SOX6: variants seen among roughly 807,000 people sequenced by gnomAD.
The protein encoded by SOX6 is SRY-box transcription factor 6, also known as transcription factor SOX-6.
In SOX6, 11 loss-of-function variants were observed where a neutral mutation model predicts 97.8. The observed-to-expected ratio is 0.11, with a 90% CI of 0.07 to 0.19. The LOEUF (loss-of-function observed/expected upper bound fraction) is 0.19, where lower values mean the gene tolerates loss of function less well. Ranked by LOEUF, SOX6 falls within the 10% of genes least tolerant of loss-of-function variation. The probability of loss-of-function intolerance (pLI) is 1.00; values close to 1 mark genes in which losing one functional copy is unlikely to be tolerated. For synonymous variants in SOX6, 360 were observed against 371.4 expected (o/e 0.97, Z 0.35); for missense variants, 810 against 1,039.5 (o/e 0.78, Z 3.04).
intron 1 of SOX6, among the ~76,000 whole-genome samples, chr11:16,421,701 T>A (rs1859025165): frequency 6.6e-6 from 1 of 152,228 alleles, no homozygotes; most frequent in African/African-American, 2.4e-5. Flanking sequence ...CTGTTCTTGT[T>A]CTTTTCAGAG....
At chr11:16,399,975 ATTC>A (rs1858503766) in intron 1 of SOX6, among the ~76,000 whole-genome samples, 1 of 151,436 alleles carries the variant, frequency 6.6e-6, no homozygotes. Flanking sequence ...AGAAAAAAGG[ATTC>A]TTAACTTAAA....
At chr11:16,499,171 A>G (rs1590224398) in intron 4 of SOX6, among the ~76,000 whole-genome samples, 1 of 152,314 alleles carries the variant, frequency 6.6e-6, no homozygotes, top group South Asian at 2.1e-4. Flanking sequence ...AAACCACTCA[A>G]CCACATGGAA....
intron 4 of SOX6, among the ~76,000 whole-genome samples, chr11:16,230,524 C>G (rs1852816040): frequency 6.6e-6 from 1 of 151,436 alleles, no homozygotes. Context: ...ATATTAAATA[C>G]TAAGAAAACA....
At chr11:16,364,752 G>A (rs1857306867) in intron 1 of SOX6, among the ~76,000 whole-genome samples, 1 of 152,096 alleles carries the variant, frequency 6.6e-6, no homozygotes, top group Non-Finnish European at 1.5e-5. Context: ...TCAGAGGCCA[G>A]GAAGCTATCT....
In SOX6 at chr11:16,055,990, C is replaced by T. The variant is rs913830204; in HGVS notation, c.1102-89G>A. 5 of 1,391,548 alleles carry T rather than the reference C, an allele frequency of 3.6e-6. No homozygotes were observed. In the African/African-American group the frequency reaches 5.7e-5, roughly 16 times the overall value. 86.2% of individuals were successfully genotyped at this position (1,391,548 alleles called of 1,614,324 possible). ...AAAAACTTACCATATTGTTAGATTT[C>T]TCAGACAGCCTTGTAATTTCTTTTT... On this transcript the variant is annotated intron_variant, in intron 9 of 15. Transcript: ENST00000683767.
intron 6 of SOX6, among the ~76,000 whole-genome samples, chr11:16,162,774 C>T (rs1446274802): frequency 2.6e-5 from 4 of 152,138 alleles, no homozygotes; most frequent in African/African-American, 4.8e-5. Flanking sequence ...AGATGATAGT[C>T]CATCTTTAAC....
intron 4 of SOX6, among the ~76,000 whole-genome samples, chr11:16,222,626 G>A (rs1344783874): frequency 1.3e-5 from 2 of 151,926 alleles, no homozygotes; most frequent in Non-Finnish European, 2.9e-5. Context: ...AGCTTTGTGG[G>A]GTCCTCAATA....
chr11:16,304,432 A>C (rs1855359521), intron 3 of SOX6, among the ~76,000 whole-genome samples: 1 of 152,100 alleles, frequency 6.6e-6, no homozygotes, highest in Non-Finnish European at 1.5e-5. Flanking sequence ...CCACTATGGG[A>C]GAATGCAGCA....
intron 6 of SOX6, among the ~76,000 whole-genome samples, chr11:16,113,185 G>A (rs1849270275): frequency 6.6e-6 from 1 of 152,076 alleles, no homozygotes; most frequent in Admixed American, 6.6e-5. Context: ...GGTCTAAGAG[G>A]TTTCGTTTAC....
chr11:16,104,384 C>T (rs973085420), intron 7 of SOX6, among the ~76,000 whole-genome samples: 1 of 152,026 alleles, frequency 6.6e-6, no homozygotes, highest in African/African-American at 2.4e-5. Flanking sequence ...TAAGATCACA[C>T]ATACTTAGAC....
At chr11:16,116,943 TC>T (rs1481911463) in intron 6 of SOX6, among the ~76,000 whole-genome samples, 1 of 152,046 alleles carries the variant, frequency 6.6e-6, no homozygotes, top group African/African-American at 2.4e-5. Context: ...CCTGAAACCA[TC>T]CCCCCTCCCC....
At chr11:16,230,376 A>G (rs116012900) in intron 4 of SOX6, among the ~76,000 whole-genome samples, 1 of 151,938 alleles carries the variant, frequency 6.6e-6, no homozygotes, top group African/African-American at 2.4e-5. Context: ...AAGAGAAAAC[A>G]TATCTATTGA....
intron 4 of SOX6, among the ~76,000 whole-genome samples, chr11:16,201,827 G>A (rs1851949266): frequency 7.3e-6 from 1 of 137,004 alleles, no homozygotes. Flanking sequence ...TAGAGACGGG[G>A]TTTCACCGTT....
chr11:16,525,274 C>G (rs924080384), intron 4 of SOX6, among the ~76,000 whole-genome samples: 46 of 151,680 alleles, frequency 3.0e-4, no homozygotes, highest in Non-Finnish European at 6.0e-4. Context: ...GTACTGGTAC[C>G]AAAACAGAGA....
At chr11:16,645,554 T>C (rs1013410608) in intron 3 of SOX6, among the ~76,000 whole-genome samples, 3 of 152,246 alleles carry the variant, frequency 2.0e-5, no homozygotes, top group Admixed American at 2.0e-4. Flanking sequence ...GTTAAGATGA[T>C]GTCATACCAG....
At position 16,174,035 on chromosome 11, in the gene SOX6, T is replaced by TC. The variant is rs1491447562; in HGVS notation, c.777+9850_777+9851insG. 6.0e-5 allele frequency among the ~76,000 whole-genome samples: 7 copies of TC among 117,400 alleles called. No individual in the cohort carries two copies. The East Asian group carries it at 3.7e-3, about 63-fold the overall frequency. The allele number at this position is 117,400 out of a possible 152,430, so 77.0% of individuals were successfully genotyped here. A position where few individuals can be genotyped will look rare whatever the true frequency, so the allele number is the denominator to read the frequency against. On this transcript the variant is annotated intron_variant, in intron 6 of 15. Coordinates refer to ENST00000683767, the MANE Select transcript of SOX6 (RefSeq NM_001367873.1). ...TAATTTTTAACCTTTCCTTTGTTTC[T>TC]TTTTTTTTTTTTTTTGTCCATGAGT...
At chr11:16,348,906 C>A (rs1856834884) in intron 1 of SOX6, among the ~76,000 whole-genome samples, 1 of 152,044 alleles carries the variant, frequency 6.6e-6, no homozygotes, top group Admixed American at 6.6e-5. Context: ...AATATCTCTA[C>A]ACAAGTTTAG....
At chr11:16,402,725 C>A (rs1285490737) in intron 1 of SOX6, 13 of 1,610,412 alleles carry the variant, frequency 8.1e-6, no homozygotes, top group Non-Finnish European at 1.0e-5. Flanking sequence ...GGTATTTGTT[C>A]CATCACCTGA....
intron 1 of SOX6, among the ~76,000 whole-genome samples, chr11:16,387,238 A>G (rs2134419246): frequency 6.6e-6 from 1 of 152,298 alleles, no homozygotes; most frequent in Non-Finnish European, 1.5e-5. Flanking sequence ...AATACTTTTT[A>G]AAATGCCATA....
Sources: allele counts gnomAD v4.1 joint callset (sites outside exome capture counted in the v4.1 genomes callset), GRCh38; gene constraint gnomAD v4.1.1; transcripts MANE v1.5; gene names NCBI Gene and HGNC (gene_info 2026-07-23, HGNC 2026-07-21).